The following SVOPL variants were observed in gnomAD, a reference collection of about 807,000 sequenced individuals.
SVOPL encodes SVOP like, also known as putative transporter SVOPL.
Under a neutral mutation model 61.0 loss-of-function variants are expected in SVOPL, and 60 were observed. The observed-to-expected ratio is 0.98, with a 90% CI of 0.80 to 1.22. The LOEUF is 1.22. Among genes scored for constraint, SVOPL ranks in the 50% most tolerant of loss-of-function variants. The pLI is 0.00. For missense variants in SVOPL, 662 were observed against 643.9 expected, an observed-to-expected ratio of 1.03 and a Z score of -0.30; for synonymous variants, 279 against 250.0, an observed-to-expected ratio of 1.12 and a Z score of -1.09.
rs1246275272 is a variant in SVOPL at position 138,596,475 on chromosome 7, A to G, written c.1409T>C (p.Val470Ala). The change falls in exon 15 of 16, where the codon GTT becomes GCT. Residue 470 changes from valine to alanine, a missense_variant. Coordinates refer to ENST00000674285, the MANE Select transcript of SVOPL (RefSeq NM_001139456.2). ...GALCLFSSVC[V>A]VCAISAFTLP... ...AGTGAATGCAGAAATGGCGCATACAACACAGACAGATGAGAAGAGACACAG... is the reference window on the plus strand; with the variant it reads ...AGTGAATGCAGAAATGGCGCATACAGCACAGACAGATGAGAAGAGACACAG... 5 of 1,613,864 alleles carry G rather than the reference A, an allele frequency of 3.1e-6. No individual in the cohort carries two copies. Among genetic ancestry groups the G allele is most frequent in the Admixed American group, 1.7e-5 (1 of 59,988 alleles).
At chr7:138,620,586 T>C (rs1799520858) in intron 14 of SVOPL, among the ~76,000 whole-genome samples, 2 of 152,002 alleles carry the variant, frequency 1.3e-5, no homozygotes, top group Non-Finnish European at 2.9e-5. Context: ...CAAGTCACCC[T>C]GGATTTTATC....
Position 138,672,028 on chromosome 7 carries a change from T to C in SVOPL, c.264A>G (p.Leu88=). The C allele has an allele frequency of 6.4e-7, 1 of 1,551,660 alleles. No homozygotes were observed. The highest frequency in any genetic ancestry group is 8.7e-7 in the Non-Finnish European group (1 of 1,146,974). The part of the protein sequence containing the change: ...EWQLENWQVA[L]VTTMVFFGYM... ...GGGAGCAGGTACTTACCGTGGTTAC[T>C]AATGCCACCTGCCAATTCTCCAGTT... Residue 88 remains leucine (L), a synonymous_variant, in exon 4 of 16, where the codon TTA becomes TTG. Transcript: ENST00000674285.
Position 138,656,459 on chromosome 7 carries a change from G to T in SVOPL, c.523C>A (p.Pro175Thr). 1 of 1,614,004 alleles carries T rather than the reference G, an allele frequency of 6.2e-7. No individual in the cohort carries two copies. The highest frequency in any genetic ancestry group is 1.1e-5 in the South Asian group (1 of 91,066). Reference protein sequence around the residue: ...LPTKYRGYMLPLSQVFWLAGS... With the variant: ...LPTKYRGYMLTLSQVFWLAGS... ...CTACGTTGCCTTACCTGAGACAAGG[G>T]TAACATATAGCCTCGGTATTTCGTG... Residue 175 changes from proline (P) to threonine (T), a missense_variant, in exon 7 of 16, where the codon CCC (proline) becomes ACC (threonine). Transcript: ENST00000674285.
chr7:138,625,983 T>C lies in SVOPL; in HGVS notation c.1249A>G (p.Ile417Val). 7 of 1,614,128 alleles carry C rather than the reference T, an allele frequency of 4.3e-6. No homozygotes were observed. The highest frequency in any genetic ancestry group is 5.9e-6 in the Non-Finnish European group (7 of 1,180,028). Reference sequence around the variant, plus strand: ...TGAAAACTCACCTCAGCTGTGTAAATGTAGACGGTGTTGAAGTTTGCAGCT... The same window carrying C: ...TGAAAACTCACCTCAGCTGTGTAAACGTAGACGGTGTTGAAGTTTGCAGCT... ...LVAANFNTVYIYTAEVYPTTM... is the reference protein window; with the variant it reads ...LVAANFNTVYVYTAEVYPTTM... The change falls in exon 13 of 16, where the codon ATT (isoleucine) becomes GTT (valine). Residue 417 changes from isoleucine (I) to valine (V), a missense_variant. Transcript: ENST00000674285.
chr7:138,672,193 A>G, intron 3 of SVOPL, 76 bp from the exon 4 acceptor site: 1 of 1,353,442 alleles, frequency 7.4e-7, no homozygotes, highest in South Asian at 1.3e-5. Context: ...CCTGCCCATC[A>G]TCCTACCTAG....
At chr7:138,600,154 T>C (rs1321569024) in intron 14 of SVOPL, among the ~76,000 whole-genome samples, 3 of 152,192 alleles carry the variant, frequency 2.0e-5, no homozygotes, top group South Asian at 2.1e-4. Flanking sequence ...ACATGGCTAA[T>C]AGCCTGTAGA....
intron 8 of SVOPL, 104 bp from the exon 9 acceptor site, chr7:138,644,949 A>T: frequency 6.9e-7 from 1 of 1,447,164 alleles, no homozygotes; most frequent in Non-Finnish European, 9.5e-7. Flanking sequence ...CCAAGATAGG[A>T]AAAGTATGTA....
intron 14 of SVOPL, among the ~76,000 whole-genome samples, chr7:138,597,508 G>A (rs371427607): frequency 7.2e-5 from 11 of 152,040 alleles, no homozygotes; most frequent in East Asian, 3.9e-4. Context: ...TCCACTCACC[G>A]TGCAAACAGA....
At chr7:138,635,457 C>T (rs1584810972) in intron 9 of SVOPL, among the ~76,000 whole-genome samples, 2 of 150,836 alleles carry the variant, frequency 1.3e-5, no homozygotes, top group African/African-American at 4.9e-5. Flanking sequence ...AGGCTGGTCT[C>T]GAACTCCTGG....
chr7:138,629,266 TGTCACCC>T (rs1800056699), intron 10 of SVOPL, among the ~76,000 whole-genome samples: 2 of 150,180 alleles, frequency 1.3e-5, no homozygotes, highest in South Asian at 4.2e-4. Context: ...AGTTTCATGC[TGTCACCC>T]AGGCTTGAGT....
chr7:138,679,435 A>G (rs1000347388), intron 1 of SVOPL, among the ~76,000 whole-genome samples: 1 of 151,870 alleles, frequency 6.6e-6, no homozygotes. Context: ...ATGCCTGGCT[A>G]ATTTTTTTTG....
chr7:138,667,863 G>A (rs1282689061), intron 4 of SVOPL, among the ~76,000 whole-genome samples: 1 of 152,168 alleles, frequency 6.6e-6, no homozygotes, highest in African/African-American at 2.4e-5. Flanking sequence ...AGCTTTGGGA[G>A]TAACTTACTT....
chr7:138,654,500 G>GTTTTTC (rs1554469423), intron 7 of SVOPL, among the ~76,000 whole-genome samples: 8 of 125,540 alleles, frequency 6.4e-5, no homozygotes, highest in African/African-American at 2.4e-4. Flanking sequence ...TACTGAGTTT[G>GTTTTTC]TTTTTTTTTT....
intron 14 of SVOPL, among the ~76,000 whole-genome samples, chr7:138,600,599 C>T (rs1217639033): frequency 6.7e-6 from 1 of 150,096 alleles, no homozygotes; most frequent in African/African-American, 2.5e-5. Context: ...GAGACAGTGT[C>T]TCAAAAGAAA....
chr7:138,633,573 A>T (rs573820202), intron 9 of SVOPL, among the ~76,000 whole-genome samples: 1 of 100,084 alleles, frequency 1.0e-5, no homozygotes, highest in South Asian at 3.5e-4. Context: ...CAGAACCATG[A>T]GCCAAATAAA....
chr7:138,666,810 A>G (rs1802275472), intron 4 of SVOPL, among the ~76,000 whole-genome samples: 1 of 152,204 alleles, frequency 6.6e-6, no homozygotes, highest in African/African-American at 2.4e-5. Context: ...CCTAGTCTGC[A>G]TGTAGGATCC....
chr7:138,622,737 C>T (rs1236816671), intron 13 of SVOPL, among the ~76,000 whole-genome samples: 1 of 152,218 alleles, frequency 6.6e-6, no homozygotes, highest in African/African-American at 2.4e-5. Context: ...GCTGGGATTA[C>T]AGGTATGAGC....
Position 138,625,959 on chromosome 7 carries a change from G to A in SVOPL, c.1263+10C>T. 3 of 1,613,872 alleles carry A rather than the reference G, an allele frequency of 1.9e-6. No individual in the cohort carries two copies. The highest frequency in any genetic ancestry group is 2.5e-6 in the Non-Finnish European group (3 of 1,179,896). ...CACCCTTTGTAAGCAAGCCTTGCAT[G>A]AAAACTCACCTCAGCTGTGTAAATG... On this transcript the variant is annotated intron_variant, in intron 13 of 15. Coordinates refer to ENST00000674285, the MANE Select transcript of SVOPL (RefSeq NM_001139456.2).
rs1050167753 is a variant in SVOPL at position 138,594,404 on chromosome 7, T to G, written c.*206A>C. ...CCCCTTTGAAAGCTTAAATTATATT[T>G]TATAAAAGTACTTTATATATTGTTC... On this transcript the variant is annotated 3_prime_UTR_variant, in exon 16 of 16. Coordinates refer to ENST00000674285, the MANE Select transcript of SVOPL (RefSeq NM_001139456.2). 30 of 366,498 alleles carry G rather than the reference T, an allele frequency of 8.2e-5. No individual in the cohort carries two copies. Among genetic ancestry groups the G allele is most frequent in the Non-Finnish European group, 1.4e-4 (28 of 205,718 alleles). The allele number at this position is 366,498 out of a possible 1,614,324, so 22.7% of individuals were successfully genotyped here.
Sources: gnomAD v4.1 joint callset for allele counts (sites outside exome capture counted in the v4.1 genomes callset) on GRCh38, gnomAD v4.1.1 for gene constraint, MANE v1.5 for transcripts, NCBI Gene and HGNC (gene_info 2026-07-23, HGNC 2026-07-21) for gene names.